LARGE1: variants seen among roughly 807,000 people sequenced by gnomAD.
LARGE1 encodes LARGE xylosyl- and glucuronyltransferase 1, also known as xylosyl- and glucuronyltransferase LARGE1.
Under a neutral mutation model 87.6 loss-of-function variants are expected in LARGE1, and 43 were observed. That is an observed-to-expected ratio of 0.49 (90% CI 0.38 to 0.63). The LOEUF (loss-of-function observed/expected upper bound fraction) is 0.63. Ranked by LOEUF, LARGE1 falls within the 30% of genes least tolerant of loss-of-function variation. The pLI is 0.00. For synonymous variants in LARGE1, 434 were observed against 394.6 expected (o/e 1.10, Z -1.18); for missense variants, 802 against 1,000.2 (o/e 0.80, Z 2.67).
At chr22:33,456,047 T>C (rs925055512) in intron 6 of LARGE1, among the ~76,000 whole-genome samples, 1 of 152,210 alleles carries the variant, frequency 6.6e-6, no homozygotes, top group African/African-American at 2.4e-5. Context: ...ATTTTCTCCG[T>C]ATGCTAAGGC....
intron 6 of LARGE1, among the ~76,000 whole-genome samples, chr22:33,450,773 G>A (rs770742607): frequency 2.6e-5 from 4 of 152,154 alleles, no homozygotes; most frequent in Non-Finnish European, 4.4e-5. Flanking sequence ...TCACACAGAT[G>A]AGTAAAGGCC....
At chr22:33,602,137 C>T (rs191595878) in intron 5 of LARGE1, among the ~76,000 whole-genome samples, 36 of 152,292 alleles carry the variant, frequency 2.4e-4, no homozygotes, top group African/African-American at 7.0e-4. Context: ...TACACTGACC[C>T]ATCTTATTTC....
At chr22:33,561,314 G>A (rs910565879) in intron 6 of LARGE1, among the ~76,000 whole-genome samples, 1 of 152,192 alleles carries the variant, frequency 6.6e-6, no homozygotes, top group Non-Finnish European at 1.5e-5. Context: ...TCTCTGGTAC[G>A]CCAGGGAGAG....
chr22:33,465,047 A>G (rs1252076027), intron 6 of LARGE1, among the ~76,000 whole-genome samples: 1 of 152,232 alleles, frequency 6.6e-6, no homozygotes, highest in Non-Finnish European at 1.5e-5. Context: ...AGGAATAGCC[A>G]AAAATGGCAA....
intron 1 of LARGE1, among the ~76,000 whole-genome samples, chr22:33,904,146 G>C (rs556036757): frequency 6.6e-6 from 1 of 152,206 alleles, no homozygotes; most frequent in Admixed American, 6.5e-5. Context: ...CCAGCTCCGG[G>C]GATGTGGTGG....
intron 6 of LARGE1, among the ~76,000 whole-genome samples, chr22:33,475,862 G>A (rs567235853): frequency 7.9e-5 from 12 of 152,258 alleles, no homozygotes; most frequent in African/African-American, 2.9e-4. Flanking sequence ...ACACCATCCA[G>A]AGCCCCTAAT....
chr22:33,282,722 A>G (rs1359829556), intron 13 of LARGE1, among the ~76,000 whole-genome samples: 2 of 152,198 alleles, frequency 1.3e-5, no homozygotes. Context: ...CACAACGGCT[A>G]CACGTCCCCC....
In LARGE1 at chr22:33,374,720, A is replaced by C. The variant is rs2064935858; in HGVS notation, c.1131+7199T>G. On this transcript the variant is annotated intron_variant, in intron 9 of 14. Transcript: ENST00000397394. Reference sequence around the variant, plus strand: ...GCTAAATGCTGTCAAATAATAAGTGATACTAGATCTTCTTTGCATTACATT... The same window carrying C: ...GCTAAATGCTGTCAAATAATAAGTGCTACTAGATCTTCTTTGCATTACATT... Among the ~76,000 whole-genome samples, 3 of 152,320 alleles carry C rather than the reference A, an allele frequency of 2.0e-5. 1 individual carries two copies. The South Asian group carries it at 6.2e-4, about 32-fold the overall frequency.
chr22:33,070,999 A>G, the LARGE1 span, among the ~76,000 whole-genome samples: 1 of 152,184 alleles, frequency 6.6e-6, no homozygotes. Context: ...TAGTCCTTCA[A>G]CACATGCCAG....
At chr22:33,532,302 A>G (rs1168227587) in intron 6 of LARGE1, among the ~76,000 whole-genome samples, 1 of 152,214 alleles carries the variant, frequency 6.6e-6, no homozygotes, top group Non-Finnish European at 1.5e-5. Flanking sequence ...TTTGGAGGCT[A>G]CGTGTGATAC....
chr22:33,517,407 T>C (rs2071362335), intron 6 of LARGE1, among the ~76,000 whole-genome samples: 1 of 152,106 alleles, frequency 6.6e-6, no homozygotes, highest in Non-Finnish European at 1.5e-5. Flanking sequence ...CACAAAGAAT[T>C]CTTTTTTTGA....
At chr22:33,638,745 T>C (rs1325878138) in intron 3 of LARGE1, among the ~76,000 whole-genome samples, 2 of 152,238 alleles carry the variant, frequency 1.3e-5, no homozygotes, top group African/African-American at 4.8e-5. Flanking sequence ...GTGAATTACA[T>C]GAGATATTTT....
At chr22:33,580,734 A>G (rs1018378868) in intron 5 of LARGE1, among the ~76,000 whole-genome samples, 3 of 152,206 alleles carry the variant, frequency 2.0e-5, no homozygotes, top group African/African-American at 7.2e-5. Flanking sequence ...GGGATGAGAA[A>G]GGGGAGTTTC....
chr22:33,759,188 G>T (rs2084630256), intron 2 of LARGE1, among the ~76,000 whole-genome samples: 1 of 152,186 alleles, frequency 6.6e-6, no homozygotes, highest in Admixed American at 6.5e-5. Flanking sequence ...CCCTACCTCT[G>T]AACTTACAAA....
chr22:33,127,740 G>A, the LARGE1 span, among the ~76,000 whole-genome samples: 2 of 152,128 alleles, frequency 1.3e-5, no homozygotes, highest in African/African-American at 4.8e-5. Context: ...CTTCAGGAGT[G>A]TCACACCTTG....
intron 2 of LARGE1, among the ~76,000 whole-genome samples, chr22:33,731,035 T>C (rs1262732007): frequency 2.7e-5 from 4 of 148,118 alleles, no homozygotes; most frequent in African/African-American, 9.9e-5. Context: ...CGGAGTCTTG[T>C]TCTGTTGCCC....
At chr22:33,369,898 A>G (rs1336754628) in intron 9 of LARGE1, among the ~76,000 whole-genome samples, 2 of 151,846 alleles carry the variant, frequency 1.3e-5, no homozygotes, top group African/African-American at 4.8e-5. Context: ...GCTGGTGTTG[A>G]GATAAAATTC....
intron 2 of LARGE1, among the ~76,000 whole-genome samples, chr22:33,752,868 T>C (rs762530957): frequency 6.6e-6 from 1 of 152,236 alleles, no homozygotes; most frequent in African/African-American, 2.4e-5. Flanking sequence ...CCAGTACCAT[T>C]AAATTAAGGA....
At chr22:33,177,236 A>G (rs1304385328) in intron 11 of LARGE1, among the ~76,000 whole-genome samples, 2 of 152,150 alleles carry the variant, frequency 1.3e-5, no homozygotes, top group African/African-American at 2.4e-5. Context: ...GCAAACCCCC[A>G]TGGCACGTGT....
Sources: allele counts gnomAD v4.1 joint callset (sites outside exome capture counted in the v4.1 genomes callset), GRCh38; gene constraint gnomAD v4.1.1; transcripts MANE v1.5; gene names NCBI Gene and HGNC (gene_info 2026-07-23, HGNC 2026-07-21).